The following PLXNA2 variants were observed in gnomAD, a reference collection of about 807,000 sequenced individuals.
The protein encoded by PLXNA2 is plexin-A2.
PLXNA2 carries 91 observed loss-of-function variants against 193.5 expected under a neutral mutation model. That is an observed-to-expected ratio of 0.47 (90% CI 0.40 to 0.56). The LOEUF (loss-of-function observed/expected upper bound fraction) is 0.56, where lower values mean the gene tolerates loss of function less well. Ranked by LOEUF, PLXNA2 falls within the 20% of genes least tolerant of loss-of-function variation. The pLI, the probability that PLXNA2 is intolerant of heterozygous loss-of-function variation, is 0.00. For synonymous variants in PLXNA2, 997 were observed against 1,027.3 expected, an observed-to-expected ratio of 0.97 and a Z score of 0.56; for missense variants, 1,995 against 2,503.2, an observed-to-expected ratio of 0.80 and a Z score of 4.33.
In PLXNA2 at chr1:208,027,000, C is replaced by T. The variant is rs1013657037; in HGVS notation, c.*243G>A. 1.7e-5 allele frequency: 7 copies of T among 419,570 alleles called. No individual in the cohort carries two copies. The highest frequency in any genetic ancestry group is 1.4e-4 in the African/African-American group (7 of 50,278). The allele number at this position is 419,570 out of a possible 1,614,324, so 26.0% of individuals were successfully genotyped here. Reference sequence around the variant, plus strand: ...TCTCGGCTTGAAGAACCACCTTCTCCCGGCCCCGGGTTCTCTGGTGTTCTC... The same window carrying T: ...TCTCGGCTTGAAGAACCACCTTCTCTCGGCCCCGGGTTCTCTGGTGTTCTC... On this transcript the variant is annotated 3_prime_UTR_variant, in exon 32 of 32. Coordinates refer to ENST00000367033, the MANE Select transcript of PLXNA2 (RefSeq NM_025179.4).
chr1:208,156,874 C>A lies in PLXNA2; in HGVS notation c.1372-14411G>T, dbSNP rs114954621. ...AGCCGTAAACTTGGACCACAAAAGC[C>A]AAACCAGCAAGCTTCCTTTTCCCTC... is the stretch of plus-strand genomic sequence containing the variant. On this transcript the variant is annotated intron_variant, in intron 3 of 31. Transcript: ENST00000367033. Among the ~76,000 whole-genome samples, 483 of 152,314 alleles carry A rather than the reference C, an allele frequency of 3.2e-3. 4 individuals are homozygous for A. Among genetic ancestry groups the A allele is most frequent in the African/African-American group, 0.011 (452 of 41,564 alleles).
chr1:208,156,939 T>C (rs1470216558), intron 3 of PLXNA2, among the ~76,000 whole-genome samples: 1 of 152,202 alleles, frequency 6.6e-6, no homozygotes, highest in Non-Finnish European at 1.5e-5. Context: ...TGTTACTCCA[T>C]AAGAATAACA....
Position 208,096,090 on chromosome 1 carries a change from C to T in PLXNA2, c.1921G>A (p.Glu641Lys), listed in dbSNP as rs1166132195. Reference sequence around the variant, plus strand: ...GTGCTGACAAATATCTTCCCTGTCTCCTTGGACCTCAGCTGTAGCTCCAGC... The same window carrying T: ...GTGCTGACAAATATCTTCCCTGTCTTCTTGGACCTCAGCTGTAGCTCCAGC... The part of the protein sequence containing the change: ...FGLELQLRSK[E>K]TGKIFVSTEF... The change falls in exon 8 of 32, where the codon GAG (glutamate) becomes AAG (lysine). Residue 641 changes from glutamate (E) to lysine (K), a missense_variant. By Grantham distance (56) the Glu-to-Lys change is moderately conservative. Transcript: ENST00000367033. 6.2e-7 allele frequency: 1 copy of T among 1,614,040 alleles called. No homozygotes were observed. The highest frequency in any genetic ancestry group is 2.2e-5 in the East Asian group (1 of 44,900).
chr1:208,062,235 G>A (rs1367571100), intron 12 of PLXNA2, among the ~76,000 whole-genome samples: 1 of 152,152 alleles, frequency 6.6e-6, no homozygotes, highest in Non-Finnish European at 1.5e-5. Context: ...GAGGGTCAGC[G>A]TACCCTCAGG....
At chr1:208,081,214 T>C (rs1339349183) in intron 11 of PLXNA2, among the ~76,000 whole-genome samples, 1 of 152,204 alleles carries the variant, frequency 6.6e-6, no homozygotes, top group African/African-American at 2.4e-5. Context: ...GGCCTGGGTA[T>C]GAGGAGAAAT....
At chr1:208,184,396 T>C (rs1669934432) in intron 3 of PLXNA2, among the ~76,000 whole-genome samples, 1 of 151,764 alleles carries the variant, frequency 6.6e-6, no homozygotes, top group East Asian at 1.9e-4. Flanking sequence ...GCAATCATAT[T>C]CTGCCTCCCT....
chr1:208,119,612 C>CTTATT (rs1408023907), intron 4 of PLXNA2, among the ~76,000 whole-genome samples: 2 of 151,832 alleles, frequency 1.3e-5, no homozygotes, highest in African/African-American at 4.8e-5. Flanking sequence ...TTTTTTCTTT[C>CTTATT]TTATTTTATT....
Position 208,039,733 on chromosome 1 carries a change from C to G in PLXNA2, c.4388G>C (p.Cys1463Ser), listed in dbSNP as rs1165894813. 1 of 1,614,146 alleles carries G rather than the reference C, an allele frequency of 6.2e-7. No homozygotes were observed. The highest frequency in any genetic ancestry group is 2.2e-5 in the East Asian group (1 of 44,852). The change falls in exon 24 of 32, where the codon TGT (cysteine) becomes TCT (serine). Residue 1463 changes from cysteine to serine, a missense_variant. By Grantham distance (112) the Cys-to-Ser change is moderately radical (BLOSUM62 -1). Transcript: ENST00000367033. Reference sequence around the variant, plus strand: ...CTTCTCCATCTGCTGCTTGATGGCACAGTATAGCATGAAGAGTGGCTCCCC... The same window carrying G: ...CTTCTCCATCTGCTGCTTGATGGCAGAGTATAGCATGAAGAGTGGCTCCCC... The part of the protein sequence containing the change: ...CAGEPLFMLY[C>S]AIKQQMEKGP...
intron 1 of PLXNA2, among the ~76,000 whole-genome samples, chr1:208,233,629 G>T (rs888926791): frequency 6.6e-6 from 1 of 152,210 alleles, no homozygotes; most frequent in East Asian, 1.9e-4. Context: ...AAGCTGGGGC[G>T]ACCCTCCCTG....
chr1:208,237,151 T>C (rs1408765908), intron 1 of PLXNA2, among the ~76,000 whole-genome samples: 1 of 152,214 alleles, frequency 6.6e-6, no homozygotes, highest in Admixed American at 6.5e-5. Flanking sequence ...CTAACCTTTC[T>C]CTATTAGTAT....
chr1:208,039,429 C>A (rs1336124055), intron 24 of PLXNA2, among the ~76,000 whole-genome samples, 192 bp downstream of exon 24: 6 of 146,122 alleles, frequency 4.1e-5, no homozygotes, highest in Non-Finnish European at 9.0e-5. Flanking sequence ...TAAACCGAGG[C>A]ATAGAGTGCT....
chr1:208,102,979 C>T (rs1667143729), intron 5 of PLXNA2, among the ~76,000 whole-genome samples, 168 bp downstream of exon 5: 1 of 152,234 alleles, frequency 6.6e-6, no homozygotes, highest in Admixed American at 6.5e-5. Flanking sequence ...AGAAGGCCCA[C>T]CCATGGCCTC....
intron 1 of PLXNA2, among the ~76,000 whole-genome samples, chr1:208,227,964 C>A (rs1004253764): frequency 5.9e-5 from 9 of 152,042 alleles, no homozygotes; most frequent in Non-Finnish European, 1.2e-4. Flanking sequence ...TGACACTGCT[C>A]TAATTTATAC....
intron 9 of PLXNA2, among the ~76,000 whole-genome samples, chr1:208,091,976 C>T (rs193263300): frequency 2.6e-5 from 4 of 152,128 alleles, no homozygotes; most frequent in Admixed American, 2.0e-4. Context: ...TATATGCACA[C>T]GTGCATTTGG....
At chr1:208,092,723 A>G (rs1666755997) in intron 9 of PLXNA2, 63 bp downstream of exon 9, 1 of 1,170,992 alleles carries the variant, frequency 8.5e-7, no homozygotes, top group Non-Finnish European at 1.2e-6. Context: ...CTGACCATCT[A>G]AAGAGGGAGG....
chr1:208,163,468 G>C (rs886184787), intron 3 of PLXNA2, among the ~76,000 whole-genome samples: 1 of 152,176 alleles, frequency 6.6e-6, no homozygotes, highest in Non-Finnish European at 1.5e-5. Flanking sequence ...AAATGAGAGA[G>C]AGGGAGCAGT....
rs1440889678 is a variant in PLXNA2, at chr1:208,026,419, G to T, written c.*824C>A. On this transcript the variant is annotated 3_prime_UTR_variant, in exon 32 of 32. Coordinates refer to ENST00000367033, the MANE Select transcript of PLXNA2 (RefSeq NM_025179.4). The stretch of plus-strand genomic sequence containing the variant: ...CAAAAAACAGTAGCAAAAAGCATTG[G>T]TACTATCTAGGTACACATCTCCTCT... The T allele has an allele frequency of 6.6e-6, 1 of 152,230 alleles. No homozygotes were observed. The highest frequency in any genetic ancestry group is 6.5e-5 in the Admixed American group (1 of 15,280). The allele number at this position is 152,230 out of a possible 1,614,324, so 9.4% of individuals were successfully genotyped here.
rs1050479772 is a variant in PLXNA2 at position 208,040,086 on chromosome 1, A to G, written c.4287-28T>C. 15 of 1,589,120 alleles carry G rather than the reference A, an allele frequency of 9.4e-6. No homozygotes were observed. In the Admixed American group the frequency reaches 1.7e-4, roughly 18 times the overall value. ...GGGGAAGGGACAAAGGGTAAGGGGCAGTCCTTCACAGAGGGGTCTCCGTGG... is the reference window on the plus strand; with the variant it reads ...GGGGAAGGGACAAAGGGTAAGGGGCGGTCCTTCACAGAGGGGTCTCCGTGG... On this transcript the variant is annotated intron_variant, in intron 22 of 31. Transcript: ENST00000367033.
chr1:208,136,515 C>T (rs576450034), intron 4 of PLXNA2, among the ~76,000 whole-genome samples: 2 of 152,192 alleles, frequency 1.3e-5, no homozygotes, highest in Non-Finnish European at 2.9e-5. Context: ...ATGCATGCAG[C>T]CCCAGGCTCA....
Sources: allele counts gnomAD v4.1 joint callset (sites outside exome capture counted in the v4.1 genomes callset), GRCh38; gene constraint gnomAD v4.1.1; transcripts MANE v1.5; gene names NCBI Gene and HGNC (gene_info 2026-07-23, HGNC 2026-07-21).